The following LRRC37A3 variants were observed in gnomAD, a reference collection of about 807,000 sequenced individuals.
LRRC37A3 encodes leucine-rich repeat-containing protein 37A3.
LRRC37A3 carries 25 observed loss-of-function variants against 106.2 expected under a neutral mutation model. The ratio of observed to expected loss-of-function variants is 0.24; its 90% CI spans 0.17 to 0.33. LRRC37A3 has a LOEUF of 0.33. Among genes scored for constraint, LRRC37A3 ranks in the 10% least tolerant of loss-of-function variants. The probability of loss-of-function intolerance (pLI) is 1.00; values close to 1 mark genes in which losing one functional copy is unlikely to be tolerated. For missense variants in LRRC37A3, 712 were observed against 1,644.9 expected (o/e 0.43, Z 9.81); for synonymous variants, 305 against 635.8 (o/e 0.48, Z 7.83).
intron 8 of LRRC37A3, among the ~76,000 whole-genome samples, chr17:64,883,558 C>T (rs1394096394): frequency 2.0e-5 from 3 of 151,886 alleles, no homozygotes; most frequent in Admixed American, 6.6e-5. Flanking sequence ...TATTCATCAT[C>T]GATCAACCAC....
At chr17:64,857,062 C>A (rs1186353882) in intron 13 of LRRC37A3, among the ~76,000 whole-genome samples, 2 of 152,048 alleles carry the variant, frequency 1.3e-5, no homozygotes, top group African/African-American at 4.8e-5. Context: ...AAGGAAGAGA[C>A]AAAACTATCA....
In LRRC37A3 at chr17:64,896,168, C is replaced by A. The variant is rs1355327636; in HGVS notation, c.1090G>T (p.Val364Phe). Residue 364 changes from valine to phenylalanine, a missense_variant, in exon 4 of 15, where the codon GTT (valine) becomes TTT (phenylalanine). Physicochemically the swap from Val to Phe is conservative, Grantham distance 50. Transcript: ENST00000584306. ...TCCCTAGAAGACTCAGAAGGCTGAA[C>A]TGGCTGCTGCTGCTCACTGATGGAA... ...ELSISEQQQP[V>F]QPSESSREVE... The A allele has an allele frequency of 6.2e-7, 1 of 1,606,942 alleles. No homozygotes were observed.
At chr17:64,868,087 A>C (rs1360984485) in intron 10 of LRRC37A3, among the ~76,000 whole-genome samples, 2 of 151,966 alleles carry the variant, frequency 1.3e-5, no homozygotes, top group Non-Finnish European at 2.9e-5. Context: ...AACAAAAAAA[A>C]AAATTAGGCT....
At chr17:64,866,620 ATATATATATTTTT>A (rs1359246463) in intron 10 of LRRC37A3, among the ~76,000 whole-genome samples, 1 of 24,968 alleles carries the variant, frequency 4.0e-5, no homozygotes, top group African/African-American at 2.1e-4. Context: ...ATATATATAT[ATATATATATTTTT>A]TTTTTTTTTT....
intron 2 of LRRC37A3, among the ~76,000 whole-genome samples, chr17:64,915,436 C>T (rs1365653119): frequency 6.6e-6 from 1 of 152,244 alleles, no homozygotes; most frequent in African/African-American, 2.4e-5. Context: ...GAAATTCAAA[C>T]TGCAGTGTTC....
At position 64,913,353 on chromosome 17, in the gene LRRC37A3, T is replaced by C. The variant is rs1353918843; in HGVS notation, c.-496+5397A>G. ...CTATTTTGGGTTTTTTTTTTTTTTT[T>C]CTTTTGAAATGGAGTCTTGCTCTGC... On this transcript the variant is annotated intron_variant, in intron 2 of 14. Coordinates refer to ENST00000584306, the MANE Select transcript of LRRC37A3 (RefSeq NM_199340.5). Among the ~76,000 whole-genome samples, 387 of 146,482 alleles carry C rather than the reference T, an allele frequency of 2.6e-3. 2 individuals are homozygous for C. The highest frequency in any genetic ancestry group is 0.01 in the African/African-American group (374 of 36,874).
At chr17:64,872,203 A>C (rs1424045811) in intron 8 of LRRC37A3, among the ~76,000 whole-genome samples, 1 of 147,626 alleles carries the variant, frequency 6.8e-6, no homozygotes, top group Non-Finnish European at 1.5e-5. Flanking sequence ...AATACCAAAA[A>C]AATAGCCAAA....
Position 64,860,005 on chromosome 17 carries a change from G to A in LRRC37A3, c.4141C>T (p.His1381Tyr). The A allele has an allele frequency of 1.2e-6, 2 of 1,613,742 alleles. No individual in the cohort carries two copies. Among genetic ancestry groups the A allele is most frequent in the Non-Finnish European group, 1.7e-6 (2 of 1,179,862 alleles). Reference protein sequence around the residue: ...PFLEVSAPSEHFIENNNTKDT... With the variant: ...PFLEVSAPSEYFIENNNTKDT... ...TTTGTATTATTGTTTTCTATAAAAT[G>A]TTCTGAAGGAGCAGATACTTCCAGA... The change falls in exon 12 of 15, where the codon CAT (histidine) becomes TAT (tyrosine). Residue 1381 changes from histidine (H) to tyrosine (Y), a missense_variant. Physicochemically the swap from His to Tyr is moderately conservative, Grantham distance 83. Coordinates refer to ENST00000584306, the MANE Select transcript of LRRC37A3 (RefSeq NM_199340.5).
At chr17:64,871,120 C>T (rs1255131650) in intron 8 of LRRC37A3, among the ~76,000 whole-genome samples, 2 of 151,576 alleles carry the variant, frequency 1.3e-5, no homozygotes, top group Non-Finnish European at 2.9e-5. Flanking sequence ...ATCCGCCTGC[C>T]TTGGCCTCCC....
chr17:64,862,384 A>T (rs1047914313), intron 11 of LRRC37A3, among the ~76,000 whole-genome samples: 1 of 152,016 alleles, frequency 6.6e-6, no homozygotes, highest in Admixed American at 6.5e-5. Context: ...TTCCATTAGA[A>T]GAGCCAGGTA....
chr17:64,880,358 G>A (rs1351877347), intron 8 of LRRC37A3, among the ~76,000 whole-genome samples: 2 of 152,190 alleles, frequency 1.3e-5, no homozygotes, highest in African/African-American at 4.8e-5. Context: ...TTGTTGCCCA[G>A]GCTGAACTTG....
chr17:64,919,317 C>A, intron 1 of LRRC37A3, 114 bp downstream of exon 1: 1 of 530,420 alleles, frequency 1.9e-6, no homozygotes, highest in Non-Finnish European at 2.8e-6. Flanking sequence ...GCGCAATGGG[C>A]GCAGTGGGGG....
At chr17:64,913,311 G>A (rs1261191484) in intron 2 of LRRC37A3, among the ~76,000 whole-genome samples, 3 of 149,398 alleles carry the variant, frequency 2.0e-5, no homozygotes, top group African/African-American at 5.0e-5. Flanking sequence ...TTACAGGCAT[G>A]AGCCACTGCA....
chr17:64,890,269 C>A (rs1385920954), intron 5 of LRRC37A3, among the ~76,000 whole-genome samples: 1 of 137,830 alleles, frequency 7.3e-6, no homozygotes, highest in Non-Finnish European at 1.5e-5. Context: ...CAGGGTCTCA[C>A]TCTGTTCCCA....
chr17:64,855,859 C>A lies in LRRC37A3; in HGVS notation c.4840G>T (p.Asp1614Tyr). 2 of 1,611,824 alleles carry A rather than the reference C, an allele frequency of 1.2e-6. No individual in the cohort carries two copies. The highest frequency in any genetic ancestry group is 1.7e-6 in the Non-Finnish European group (2 of 1,179,704). Residue 1614 changes from aspartate (D) to tyrosine (Y), a missense_variant, in exon 14 of 15, where the codon GAT becomes TAT. Coordinates refer to ENST00000584306, the MANE Select transcript of LRRC37A3 (RefSeq NM_199340.5). Reference protein sequence around the residue: ...ICCHRRSLQEDEEGFSRDSEA... With the variant: ...ICCHRRSLQEYEEGFSRDSEA... The stretch of plus-strand genomic sequence containing the variant: ...ATTTACCTTGAGAATCCTTCTTCAT[C>A]TTCTTGTAATGACCTTCGGTGACAA...
intron 8 of LRRC37A3, among the ~76,000 whole-genome samples, chr17:64,878,705 T>C (rs1234770323): frequency 5.3e-5 from 8 of 152,062 alleles, no homozygotes; most frequent in South Asian, 2.1e-4. Context: ...CCCGGAGAAA[T>C]TGAAACCCTC....
intron 8 of LRRC37A3, among the ~76,000 whole-genome samples, chr17:64,874,618 C>A (rs1247663680): frequency 6.6e-6 from 1 of 152,216 alleles, no homozygotes; most frequent in Admixed American, 6.5e-5. Context: ...TCATTGAGAA[C>A]GGGCCATGAT....
At chr17:64,874,085 T>C (rs1336566861) in intron 8 of LRRC37A3, among the ~76,000 whole-genome samples, 1 of 152,140 alleles carries the variant, frequency 6.6e-6, no homozygotes, top group Non-Finnish European at 1.5e-5. Flanking sequence ...ATAAGATTAA[T>C]AGCTAATTTC....
intron 10 of LRRC37A3, among the ~76,000 whole-genome samples, chr17:64,865,080 G>A (rs538429032): frequency 3.1e-4 from 47 of 152,290 alleles, no homozygotes; most frequent in African/African-American, 5.5e-4. Context: ...ATCTTCATAT[G>A]GAATGGACCC....
Sources: gnomAD v4.1 joint callset for allele counts (sites outside exome capture counted in the v4.1 genomes callset) on GRCh38, gnomAD v4.1.1 for gene constraint, MANE v1.5 for transcripts, NCBI Gene and HGNC (gene_info 2026-07-23, HGNC 2026-07-21) for gene names.